Variants in GAS2 observed in about 807,000 individuals in gnomAD.
The protein encoded by GAS2 is growth arrest specific 2.
Under a neutral mutation model 37.5 loss-of-function variants are expected in GAS2, and 20 were observed. The ratio of observed to expected loss-of-function variants is 0.53; its 90% CI spans 0.37 to 0.77. GAS2 has a LOEUF of 0.77. Ranked by LOEUF, GAS2 falls within the 30% of genes least tolerant of loss-of-function variation. The pLI is 0.00. For synonymous variants in GAS2, 144 were observed against 132.2 expected, an observed-to-expected ratio of 1.09 and a Z score of -0.61; for missense variants, 336 against 373.4, an observed-to-expected ratio of 0.90 and a Z score of 0.82.
chr11:22,781,351 C>G (rs1278337274), intron 7 of GAS2, among the ~76,000 whole-genome samples: 1 of 152,176 alleles, frequency 6.6e-6, no homozygotes, highest in Non-Finnish European at 1.5e-5. Flanking sequence ...GGTATTATGG[C>G]TTTTCTCACA....
chr11:22,806,728 G>A (rs1215699478), intron 7 of GAS2, among the ~76,000 whole-genome samples: 5 of 152,156 alleles, frequency 3.3e-5, no homozygotes, highest in African/African-American at 7.2e-5. Flanking sequence ...TAACTGAGAC[G>A]TCAGCAAGAA....
intron 1 of GAS2, among the ~76,000 whole-genome samples, chr11:22,657,738 C>G (rs1848872254): frequency 1.3e-5 from 2 of 152,296 alleles, no homozygotes; most frequent in South Asian, 4.1e-4. Context: ...TACTTCCTCA[C>G]ACTCCTCTCC....
At chr11:22,647,027 T>C (rs968760484) in intron 1 of GAS2, among the ~76,000 whole-genome samples, 4 of 151,244 alleles carry the variant, frequency 2.6e-5, no homozygotes, top group African/African-American at 4.9e-5. Flanking sequence ...ACCCACTAAC[T>C]CGTCATCTAG....
intron 7 of GAS2, among the ~76,000 whole-genome samples, chr11:22,799,625 A>G (rs976321354): frequency 1.3e-5 from 2 of 152,100 alleles, no homozygotes; most frequent in East Asian, 1.9e-4. Context: ...GGTCTGAATT[A>G]TCATTCACAC....
chr11:22,781,450 T>A (rs1276904810), intron 7 of GAS2, among the ~76,000 whole-genome samples: 1 of 152,240 alleles, frequency 6.6e-6, no homozygotes, highest in Non-Finnish European at 1.5e-5. Context: ...TTCAGACTTT[T>A]CATTCACAGG....
rs1169909861 is a variant in GAS2 at position 22,812,115 on chromosome 11, AAGAT to A, written c.*103_*106del. On this transcript the variant is annotated 3_prime_UTR_variant, in exon 8 of 8. Coordinates refer to ENST00000454584, the MANE Select transcript of GAS2 (RefSeq NM_001143830.3). ...TATGTTCTGAAAACTGTTTTGGAGAAAGATAGACAGAAAAATGTCATCATATTGA... is the reference window on the plus strand; with the variant it reads ...TATGTTCTGAAAACTGTTTTGGAGAAAGACAGAAAAATGTCATCATATTGA... 14 of 820,084 alleles carry A rather than the reference AAGAT, an allele frequency of 1.7e-5. No homozygotes were observed. In the African/African-American group the frequency reaches 1.7e-4, roughly 10 times the overall value. 50.8% of individuals were successfully genotyped at this position (820,084 alleles called of 1,614,324 possible).
At chr11:22,755,635 C>A in intron 6 of GAS2, 1 of 441,584 alleles carries the variant, frequency 2.3e-6, no homozygotes. Context: ...CTAACTTATG[C>A]CTTAGTGCAG....
At chr11:22,810,617 G>A (rs1372765781) in intron 7 of GAS2, among the ~76,000 whole-genome samples, 1 of 151,830 alleles carries the variant, frequency 6.6e-6, no homozygotes, top group East Asian at 1.9e-4. Flanking sequence ...TTTATTAGTT[G>A]GTACAATATT....
At chr11:22,730,387 A>G (rs549429064) in intron 4 of GAS2, among the ~76,000 whole-genome samples, 35 of 151,848 alleles carry the variant, frequency 2.3e-4, no homozygotes, top group Admixed American at 1.5e-3. Flanking sequence ...TATTAAAAGG[A>G]TTTTTCACAT....
intron 3 of GAS2, among the ~76,000 whole-genome samples, chr11:22,707,601 G>A (rs912182255): frequency 1.3e-5 from 2 of 152,156 alleles, no homozygotes; most frequent in Admixed American, 6.6e-5. Flanking sequence ...TTGCATGTCA[G>A]CAGTGGAATT....
intron 1 of GAS2, among the ~76,000 whole-genome samples, chr11:22,668,839 G>A (rs914320566): frequency 6.6e-6 from 1 of 152,206 alleles, no homozygotes; most frequent in Non-Finnish European, 1.5e-5. Flanking sequence ...AGGGCATGTT[G>A]TAAGGTTGGT....
Position 22,632,637 on chromosome 11 carries a change from A to G in GAS2, c.-21+6824A>G, listed in dbSNP as rs544352539. 7.1e-4 allele frequency among the ~76,000 whole-genome samples: 108 copies of G among 152,324 alleles called. 1 individual carries two copies. Among genetic ancestry groups the G allele is most frequent in the African/African-American group, 2.5e-3 (104 of 41,576 alleles). On this transcript the variant is annotated intron_variant, in intron 1 of 5. Coordinates refer to the GAS2 transcript ENST00000528582. ...AAGTTTTCCTTAATTATTCCCTCAA[A>G]TAAATAAGTTTTCAAAACTTTTTGC...
At chr11:22,628,236 A>G (rs1027484022) in intron 1 of GAS2, among the ~76,000 whole-genome samples, 2 of 152,228 alleles carry the variant, frequency 1.3e-5, no homozygotes, top group African/African-American at 4.8e-5. Flanking sequence ...CAGATTTTAT[A>G]TATTTTGAAA....
intron 3 of GAS2, among the ~76,000 whole-genome samples, chr11:22,704,111 C>G (rs1850980989): frequency 1.3e-5 from 2 of 152,146 alleles, no homozygotes; most frequent in Admixed American, 6.6e-5. Context: ...TTCAGAAAGT[C>G]TTTTGAGACT....
intron 3 of GAS2, among the ~76,000 whole-genome samples, chr11:22,715,885 T>C (rs1395871461): frequency 6.6e-6 from 1 of 150,608 alleles, no homozygotes; most frequent in Admixed American, 6.6e-5. Flanking sequence ...GGAAAGAACA[T>C]AACAAAAAAA....
At chr11:22,693,145 T>A (rs568570914) in intron 3 of GAS2, among the ~76,000 whole-genome samples, 26 of 152,282 alleles carry the variant, frequency 1.7e-4, no homozygotes, top group African/African-American at 5.5e-4. Flanking sequence ...TGACCTGTGA[T>A]GTTGAAATAT....
chr11:22,695,653 A>C (rs1173785758), intron 3 of GAS2, among the ~76,000 whole-genome samples: 1 of 152,222 alleles, frequency 6.6e-6, no homozygotes, highest in Non-Finnish European at 1.5e-5. Context: ...ATTATTCTGT[A>C]AATTCCATAT....
chr11:22,639,010 T>C (rs1042956332), intron 1 of GAS2, among the ~76,000 whole-genome samples: 21 of 152,286 alleles, frequency 1.4e-4, no homozygotes, highest in African/African-American at 4.6e-4. Context: ...GGTCTTTTTA[T>C]ATACTTTAGT....
intron 3 of GAS2, among the ~76,000 whole-genome samples, chr11:22,704,643 A>G (rs1229262051): frequency 1.5e-5 from 2 of 133,886 alleles, no homozygotes; most frequent in African/African-American, 5.7e-5. Flanking sequence ...TCTCAAATTC[A>G]TGATTCTCCC....
Sources: gnomAD v4.1 joint callset for allele counts (sites outside exome capture counted in the v4.1 genomes callset) on GRCh38, gnomAD v4.1.1 for gene constraint, MANE v1.5 for transcripts, NCBI Gene and HGNC (gene_info 2026-07-23, HGNC 2026-07-21) for gene names.